The following KIT variants were observed in gnomAD, a reference collection of about 807,000 sequenced individuals.
KIT encodes mast/stem cell growth factor receptor Kit.
KIT carries 16 observed loss-of-function variants against 105.7 expected under a neutral mutation model. That is an observed-to-expected ratio of 0.15 (90% CI 0.10 to 0.23). The LOEUF is 0.23. Ranked by LOEUF, KIT falls within the 10% of genes least tolerant of loss-of-function variation. The pLI, the probability that KIT is intolerant of heterozygous loss-of-function variation, is 1.00. For synonymous variants in KIT, 438 were observed against 441.1 expected (o/e 0.99, Z 0.09); for missense variants, 858 against 1,213.8 (o/e 0.71, Z 4.36).
Position 54,726,760 on chromosome 4 carries a change from C to T in KIT, c.1541-458C>T, listed in dbSNP as rs146514122. 1.5e-4 allele frequency among the ~76,000 whole-genome samples: 23 copies of T among 148,452 alleles called. No individual in the cohort carries two copies. The East Asian group carries it at 3.5e-3, about 23-fold the overall frequency. On this transcript the variant is annotated intron_variant, in intron 9 of 20. Coordinates refer to ENST00000288135, the MANE Select transcript of KIT (RefSeq NM_000222.3). The stretch of plus-strand genomic sequence containing the variant: ...CTTCCATGTTTTTCAGACAGGGCAA[C>T]GAAAAGAATACCTTAAAAATGTTTT...
chr4:54,733,270 T>C lies in KIT; in HGVS notation c.2484+78T>C, dbSNP rs1008658. On this transcript the variant is annotated intron_variant, in intron 17 of 20. Coordinates refer to ENST00000288135, the MANE Select transcript of KIT (RefSeq NM_000222.3). Reference sequence around the variant, plus strand: ...TTTCGATAAAAATTGTTTCCTGTGATTTTCATAATGTAAATCCTGTCTAGG... The same window carrying C: ...TTTCGATAAAAATTGTTTCCTGTGACTTTCATAATGTAAATCCTGTCTAGG... 926,990 of 1,504,522 alleles carry C rather than the reference T, an allele frequency of 0.62. 292,460 individuals carry two copies. The highest frequency in any genetic ancestry group is 0.69 in the East Asian group (30,255 of 44,094). 93.2% of individuals were successfully genotyped at this position (1,504,522 alleles called of 1,614,324 possible). A position where few individuals can be genotyped will look rare whatever the true frequency, so the allele number is the denominator to read the frequency against.
intron 1 of KIT, among the ~76,000 whole-genome samples, chr4:54,660,093 A>T (rs1376726327): frequency 6.6e-6 from 1 of 151,850 alleles, no homozygotes; most frequent in Non-Finnish European, 1.5e-5. Flanking sequence ...CTGAGTGTAG[A>T]CTCAGCACTC....
rs1489233873 is a variant in KIT at position 54,698,517 on chromosome 4, G to C, written c.571G>C (p.Glu191Gln). The C allele has an allele frequency of 3.7e-6, 6 of 1,614,198 alleles. No individual in the cohort carries two copies. Among genetic ancestry groups the C allele is most frequent in the East Asian group, 2.2e-5 (1 of 44,870 alleles). The change falls in exon 3 of 21, where the codon GAG becomes CAG. Residue 191 changes from glutamate (E) to glutamine (Q), a missense_variant. By Grantham distance (29) the Glu-to-Gln change is conservative. Around this residue, in one of 7 missense-constraint regions of KIT, gnomAD observed 401 missense variants for 601.0 expected, o/e 0.67. Coordinates refer to ENST00000288135, the MANE Select transcript of KIT (RefSeq NM_000222.3). ...CTGTCTGCATTGTTCTGTGGACCAG[G>C]AGGGCAAGTCAGTGCTGTCGGAAAA... ...RLCLHCSVDQ[E>Q]GKSVLSEKFI...
At chr4:54,737,355 G>C in intron 20 of KIT, 75 bp downstream of exon 20, 1 of 993,844 alleles carries the variant, frequency 1.0e-6, no homozygotes, top group Non-Finnish European at 1.6e-6. Context: ...AGGCTTTCAG[G>C]GTGAGGACTA....
chr4:54,729,133 AG>A (rs945535046), intron 13 of KIT, among the ~76,000 whole-genome samples: 2 of 152,140 alleles, frequency 1.3e-5, no homozygotes, highest in Non-Finnish European at 2.9e-5. Context: ...AGGTTAAAAG[AG>A]GCTTGCTTGT....
At chr4:54,660,531 A>G (rs1445318189) in intron 1 of KIT, among the ~76,000 whole-genome samples, 2 of 152,148 alleles carry the variant, frequency 1.3e-5, no homozygotes, top group Admixed American at 1.3e-4. Flanking sequence ...AAATCATGTA[A>G]TGCTATGCAT....
intron 1 of KIT, among the ~76,000 whole-genome samples, chr4:54,692,202 A>T (rs1342107581): frequency 1.3e-5 from 2 of 152,224 alleles, no homozygotes; most frequent in Non-Finnish European, 2.9e-5. Flanking sequence ...GCAAGTCTAG[A>T]CAGTCCTAAC....
intron 1 of KIT, among the ~76,000 whole-genome samples, chr4:54,664,387 A>G (rs908740294): frequency 6.6e-6 from 1 of 152,094 alleles, no homozygotes; most frequent in Non-Finnish European, 1.5e-5. Context: ...AGTCAAGGCT[A>G]AGGTGGACTT....
chr4:54,691,389 G>A (rs916183245), intron 1 of KIT, among the ~76,000 whole-genome samples: 1 of 152,098 alleles, frequency 6.6e-6, no homozygotes, highest in South Asian at 2.1e-4. Context: ...ATTTAGTGAG[G>A]ACAGGTTATC....
chr4:54,685,437 C>G lies in KIT; in HGVS notation c.68-10075C>G, dbSNP rs1719244937. Among the ~76,000 whole-genome samples, 3 of 152,302 alleles carry G rather than the reference C, an allele frequency of 2.0e-5. No homozygotes were observed. In the South Asian group the frequency reaches 6.2e-4, roughly 32 times the overall value. The stretch of plus-strand genomic sequence containing the variant: ...TCTTCACTGTCCAGGGCCAGCCCAC[C>G]CAAGGTCCCAGGCTCACCTGGCATA... On this transcript the variant is annotated intron_variant, in intron 1 of 20. Transcript: ENST00000288135.
intron 2 of KIT, among the ~76,000 whole-genome samples, chr4:54,696,879 A>G (rs898805289): frequency 6.6e-6 from 1 of 152,270 alleles, no homozygotes; most frequent in Non-Finnish European, 1.5e-5. Context: ...GAGCTAATCC[A>G]TGTGCTGTTC....
Position 54,736,480 on chromosome 4 carries a change from G to C in KIT, c.2485-18G>C. ...CTTCTGAATTAACATTATTGACTCT[G>C]TTGTGCTTCTATTACAGGCTCGACT... On this transcript the variant is annotated intron_variant, in intron 17 of 20. Transcript: ENST00000288135. 1 of 1,533,434 alleles carries C rather than the reference G, an allele frequency of 6.5e-7. No homozygotes were observed. The allele number at this position is 1,533,434 out of a possible 1,614,324, so 95.0% of individuals were successfully genotyped here.
intron 7 of KIT, among the ~76,000 whole-genome samples, chr4:54,714,794 T>C (rs755547662): frequency 6.6e-6 from 1 of 152,204 alleles, no homozygotes; most frequent in Non-Finnish European, 1.5e-5. Flanking sequence ...TATCCTTTAA[T>C]GACGAGCTTC....
intron 1 of KIT, among the ~76,000 whole-genome samples, chr4:54,660,104 T>A (rs1717141339): frequency 6.6e-6 from 1 of 152,060 alleles, no homozygotes; most frequent in Non-Finnish European, 1.5e-5. Flanking sequence ...CTCAGCACTC[T>A]TTTTAACTAT....
intron 7 of KIT, among the ~76,000 whole-genome samples, chr4:54,710,425 A>G (rs1721072007): frequency 6.6e-6 from 1 of 152,140 alleles, no homozygotes; most frequent in African/African-American, 2.4e-5. Context: ...CATAGAAAAG[A>G]GCTTAGGCGT....
At chr4:54,699,287 T>C (rs1720294347) in intron 3 of KIT, among the ~76,000 whole-genome samples, 1 of 152,148 alleles carries the variant, frequency 6.6e-6, no homozygotes, top group Non-Finnish European at 1.5e-5. Context: ...ATATAAGTAG[T>C]TGTTGGTCAC....
At chr4:54,668,953 T>A (rs1717900040) in intron 1 of KIT, among the ~76,000 whole-genome samples, 1 of 152,332 alleles carries the variant, frequency 6.6e-6, no homozygotes, top group South Asian at 2.1e-4. Context: ...TTAGAAAGAT[T>A]TTCCATTTAA....
At chr4:54,734,391 G>A (rs373639856) in intron 17 of KIT, among the ~76,000 whole-genome samples, 1 of 152,176 alleles carries the variant, frequency 6.6e-6, no homozygotes, top group East Asian at 1.9e-4. Flanking sequence ...AGAAAGTTAT[G>A]AGTTAATATA....
At chr4:54,735,493 G>C (rs944190026) in intron 17 of KIT, among the ~76,000 whole-genome samples, 3 of 152,044 alleles carry the variant, frequency 2.0e-5, no homozygotes, top group Non-Finnish European at 4.4e-5. Context: ...AAAAGGACTA[G>C]TTACAGAAAG....
Sources: gnomAD v4.1 joint callset for allele counts (sites outside exome capture counted in the v4.1 genomes callset) on GRCh38, gnomAD v4.1.1 for gene constraint, gnomAD v4.1.1 regional missense constraint, MANE v1.5 for transcripts, NCBI Gene and HGNC (gene_info 2026-07-23, HGNC 2026-07-21) for gene names.